CPS1: variants seen among roughly 807,000 people sequenced by gnomAD.
CPS1 encodes the protein carbamoyl-phosphate synthase 1, also known as carbamoyl-phosphate synthase [ammonia], mitochondrial.
Under a neutral mutation model 174.6 loss-of-function variants are expected in CPS1, and 109 were observed. That is an observed-to-expected ratio of 0.62 (90% confidence interval 0.53 to 0.73). The LOEUF (loss-of-function observed/expected upper bound fraction) is 0.73, where lower values mean the gene tolerates loss of function less well. CPS1 is among the 30% of genes least tolerant of loss of function. The pLI is 0.00. For missense variants in CPS1, 1,689 were observed against 1,821.9 expected (o/e 0.93, Z 1.33); for synonymous variants, 637 against 632.0 (o/e 1.01, Z -0.12).
intron 13 of CPS1, 89 bp downstream of exon 13, chr2:210,595,671 C>G (rs1477827193): frequency 2.2e-6 from 2 of 901,800 alleles, no homozygotes; most frequent in Non-Finnish European, 1.8e-6. Context: ...GACACTACCT[C>G]TTTTCAAAGT....
intron 1 of CPS1, chr2:210,519,898 G>T: frequency 2.0e-6 from 1 of 509,350 alleles, no homozygotes; most frequent in Non-Finnish European, 2.5e-6. Flanking sequence ...AGCATACAGT[G>T]CTCAGAGGCA....
chr2:210,646,340 T>TAAAAATAGTTTAAGTAC (rs1269952768), intron 25 of CPS1, among the ~76,000 whole-genome samples: 1 of 152,152 alleles, frequency 6.6e-6, no homozygotes, highest in Non-Finnish European at 1.5e-5. Flanking sequence ...TATTTTAAAA[T>TAAAAATAGTTTAAGTAC]AAAAATAGTT....
chr2:210,590,207 A>C lies in CPS1; in HGVS notation c.813A>C (p.Ala271=), dbSNP rs964016238. Residue 271 remains alanine, a synonymous_variant, in exon 8 of 38, where the codon GCA becomes GCC. Transcript: ENST00000233072. ...GAGGACCGGGGAACCCAGCTCTTGCAGAACCACTAATTCAGAATGTCAGAA... is the reference window on the plus strand; with the variant it reads ...GAGGACCGGGGAACCCAGCTCTTGCCGAACCACTAATTCAGAATGTCAGAA... ...IAGGPGNPAL[A]EPLIQNVRKI... The C allele has an allele frequency of 8.7e-6, 14 of 1,612,912 alleles. No individual in the cohort carries two copies. The highest frequency in any genetic ancestry group is 1.1e-5 in the Non-Finnish European group (13 of 1,179,152).
intron 28 of CPS1, among the ~76,000 whole-genome samples, chr2:210,653,633 A>G (rs1324804536): frequency 1.3e-5 from 2 of 152,178 alleles, no homozygotes; most frequent in Non-Finnish European, 2.9e-5. Flanking sequence ...TAAGGGTAGA[A>G]AGAAAGAAAT....
chr2:210,477,699 G>A (rs1226408686), exon 1 of CPS1: 1 of 1,603,426 alleles, frequency 6.2e-7, no homozygotes, highest in African/African-American at 1.3e-5. Flanking sequence ...TAAAATAGTT[G>A]CTTTCTTAGG....
chr2:210,553,806 C>G (rs771044627), upstream of CPS1, among the ~76,000 whole-genome samples: 1 of 151,912 alleles, frequency 6.6e-6, no homozygotes, highest in Non-Finnish European at 1.5e-5. Flanking sequence ...GCCTCAACTC[C>G]TTTGATCTAT....
intron 24 of CPS1, among the ~76,000 whole-genome samples, chr2:210,641,294 A>C (rs998960576): frequency 6.6e-6 from 1 of 151,478 alleles, no homozygotes; most frequent in African/African-American, 2.4e-5. Context: ...GCTTATTTTT[A>C]TTTTTATTTT....
intron 1 of CPS1, among the ~76,000 whole-genome samples, chr2:210,514,282 C>T (rs1695612213): frequency 6.6e-6 from 1 of 151,960 alleles, no homozygotes. Context: ...GAAGTGTGGC[C>T]ATTTTAATAA....
intron 19 of CPS1, among the ~76,000 whole-genome samples, chr2:210,609,650 C>T (rs1234553239): frequency 1.3e-5 from 2 of 151,862 alleles, no homozygotes; most frequent in Non-Finnish European, 2.9e-5. Flanking sequence ...ATCTGTATCT[C>T]ATCTCTATTT....
intron 34 of CPS1, chr2:210,674,689 C>G: frequency 1.7e-6 from 1 of 588,712 alleles, no homozygotes; most frequent in East Asian, 2.9e-5. Context: ...AAGCAGGGAT[C>G]AAGATTATGT....
chr2:210,552,357 C>T (rs1696753927), upstream of CPS1, among the ~76,000 whole-genome samples: 1 of 151,430 alleles, frequency 6.6e-6, no homozygotes, highest in Non-Finnish European at 1.5e-5. Flanking sequence ...TTTATTTGTT[C>T]CTGCTTAAAT....
At chr2:210,507,871 C>G (rs1695334313) in intron 1 of CPS1, among the ~76,000 whole-genome samples, 4 of 151,286 alleles carry the variant, frequency 2.6e-5, no homozygotes, top group Admixed American at 2.6e-4. Flanking sequence ...CACCCAGATT[C>G]ATAAAGCAAG....
intron 32 of CPS1, among the ~76,000 whole-genome samples, chr2:210,662,576 A>G (rs911122762): frequency 6.6e-6 from 1 of 152,238 alleles, no homozygotes; most frequent in African/African-American, 2.4e-5. Flanking sequence ...ACTCTAGTTC[A>G]TATGAAAGTT....
intron 1 of CPS1, among the ~76,000 whole-genome samples, chr2:210,515,909 A>T (rs1695671546): frequency 6.6e-6 from 1 of 151,648 alleles, no homozygotes; most frequent in African/African-American, 2.4e-5. Context: ...CTCTGTTTTC[A>T]TTTATTTCAA....
intron 1 of CPS1, among the ~76,000 whole-genome samples, chr2:210,498,599 A>G (rs1289067835): frequency 2.6e-5 from 4 of 152,186 alleles, no homozygotes; most frequent in Non-Finnish European, 5.9e-5. Flanking sequence ...ATCAGTGAAG[A>G]GAGACAGTTT....
intron 5 of CPS1, among the ~76,000 whole-genome samples, chr2:210,581,649 T>A (rs1697926646): frequency 1.3e-5 from 2 of 152,130 alleles, no homozygotes. Flanking sequence ...ACTATGGAAG[T>A]GAAAGGTGGT....
intron 11 of CPS1, chr2:210,593,467 A>G: frequency 1.0e-6 from 1 of 994,216 alleles, no homozygotes; most frequent in Non-Finnish European, 1.2e-6. Flanking sequence ...GAAAAGAACC[A>G]CAAGGAATGC....
At chr2:210,650,286 C>A in intron 27 of CPS1, 77 bp from the exon 28 acceptor site, 1 of 1,190,522 alleles carries the variant, frequency 8.4e-7, no homozygotes, top group South Asian at 1.2e-5. Context: ...TATAGGTTGT[C>A]TGGAACTGTT....
Position 210,599,448 on chromosome 2 carries a change from C to T in CPS1, c.1436C>T (p.Ala479Val), listed in dbSNP as rs187860166. 1.9e-5 allele frequency: 30 copies of T among 1,612,408 alleles called. No homozygotes were observed. Among genetic ancestry groups the T allele is most frequent in the African/African-American group, 4.0e-5 (3 of 74,788 alleles). Reference protein sequence around the residue: ...VQTNEVGLKQADTVYFLPITP... With the variant: ...VQTNEVGLKQVDTVYFLPITP... ...ACCAATGAGGTGGGCTTAAAGCAAG[C>T]GGATACTGTCTACTTTCTTCCCATC... Residue 479 changes from alanine to valine, a missense_variant, in exon 14 of 38, where the codon GCG (alanine) becomes GTG (valine). Ala to Val is a moderately conservative substitution (Grantham distance 64, BLOSUM62 0). Coordinates refer to ENST00000233072, the MANE Select transcript of CPS1 (RefSeq NM_001875.5).
Sources: allele counts gnomAD v4.1 joint callset (sites outside exome capture counted in the v4.1 genomes callset), GRCh38; gene constraint gnomAD v4.1.1; transcripts MANE v1.5; gene names NCBI Gene and HGNC (gene_info 2026-07-23, HGNC 2026-07-21).